OPHN1: variants seen among roughly 807,000 people sequenced by gnomAD.
OPHN1 encodes oligophrenin-1.
OPHN1 carries 11 observed loss-of-function variants against 60.7 expected under a neutral mutation model. The observed-to-expected ratio is 0.18, with a 90% confidence interval of 0.11 to 0.30. OPHN1 has a LOEUF of 0.30. Among genes scored for constraint, OPHN1 ranks in the 10% least tolerant of loss-of-function variants. OPHN1 has a pLI of 1.00. For missense variants in OPHN1, 449 were observed against 611.0 expected, an observed-to-expected ratio of 0.73 and a Z score of 2.80; for synonymous variants, 226 against 222.6, an observed-to-expected ratio of 1.02 and a Z score of -0.14.
At chrX:68,358,596 T>C (rs745481599) in intron 2 of OPHN1, among the ~76,000 whole-genome samples, 2 of 111,819 alleles carry the variant, frequency 1.8e-5, no homozygotes, top group East Asian at 5.6e-4. Flanking sequence ...TAGAACAACA[T>C]AGTAATTCCC....
At chrX:68,415,135 C>T (rs2078787767) in intron 2 of OPHN1, among the ~76,000 whole-genome samples, 1 of 111,342 alleles carries the variant, frequency 9.0e-6, no homozygotes. Context: ...CATGACCTCT[C>T]AAGACTCTTT....
At chrX:68,403,389 C>T (rs1192341542) in intron 2 of OPHN1, among the ~76,000 whole-genome samples, 3 of 111,897 alleles carry the variant, frequency 2.7e-5, no homozygotes, top group Non-Finnish European at 5.6e-5. Context: ...GGAGACACAA[C>T]TCCTGGCAGG....
intron 15 of OPHN1, among the ~76,000 whole-genome samples, chrX:68,192,267 G>A (rs1424476207): frequency 9.0e-6 from 1 of 110,961 alleles, no homozygotes; most frequent in Non-Finnish European, 1.9e-5. Flanking sequence ...GGGAGGCAAA[G>A]GCAAGAGGAT....
chrX:68,419,157 G>T (rs111526052), intron 2 of OPHN1, among the ~76,000 whole-genome samples: 1 of 110,061 alleles, frequency 9.1e-6, no homozygotes, highest in Non-Finnish European at 1.9e-5. Context: ...ACAGGTGCCT[G>T]CCACCATGCC....
In OPHN1 at chrX:68,268,313, C is replaced by T. The variant is rs186368703; in HGVS notation, c.384+6425G>A. ...AAAAGAGAATTTTAGACCAATATCC[C>T]TGATGAACGTAAATGCAAAAATCCT... On this transcript the variant is annotated intron_variant, in intron 5 of 24. Coordinates refer to ENST00000355520, the MANE Select transcript of OPHN1 (RefSeq NM_002547.3). Among the ~76,000 whole-genome samples, 15 of 111,767 alleles carry T rather than the reference C, an allele frequency of 1.3e-4. No individual in the cohort carries two copies. In the East Asian group the frequency reaches 3.9e-3, roughly 29 times the overall value.
chrX:68,396,983 G>A (rs1417237162), intron 2 of OPHN1, among the ~76,000 whole-genome samples: 1 of 110,674 alleles, frequency 9.0e-6, no homozygotes, highest in Non-Finnish European at 1.9e-5. Flanking sequence ...AACAGAAACT[G>A]CAATTACCTG....
intron 4 of OPHN1, among the ~76,000 whole-genome samples, chrX:68,278,189 T>G (rs891524074): frequency 1.8e-5 from 2 of 112,496 alleles, no homozygotes; most frequent in African/African-American, 3.2e-5. Flanking sequence ...TCTATGACAC[T>G]CATTGGTTAT....
intron 18 of OPHN1, among the ~76,000 whole-genome samples, chrX:68,102,369 A>T (rs1447075231): frequency 2.7e-5 from 3 of 112,261 alleles, no homozygotes; most frequent in Non-Finnish European, 5.6e-5. Context: ...GGACACAGCT[A>T]AAGCAGTATT....
chrX:68,063,915 G>C lies in OPHN1; in HGVS notation c.2097C>G (p.Thr699=). 1 of 1,190,625 alleles carries C rather than the reference G, an allele frequency of 8.4e-7. No individual in the cohort carries two copies. Among genetic ancestry groups the C allele is most frequent in the East Asian group, 3.0e-5 (1 of 33,336 alleles). The change falls in exon 21 of 25, where the codon ACC becomes ACG. Residue 699 remains threonine (T), a synonymous_variant. Transcript: ENST00000355520. ...TCTTTATGTGGAAAGAGGGGGTCTT[G>C]GTGGGCCCAGAGCCTGGCATGGGTC... ...TNGPMPGSGP[T]KTPSFHIKRP...
chrX:68,103,764 G>A (rs905304516), intron 18 of OPHN1, among the ~76,000 whole-genome samples: 8 of 111,339 alleles, frequency 7.2e-5, no homozygotes, highest in Non-Finnish European at 1.1e-4. Context: ...ATAGGCACAA[G>A]ACAAGGATGC....
chrX:68,117,397 T>C (rs2077131749), intron 16 of OPHN1, among the ~76,000 whole-genome samples: 2 of 112,220 alleles, frequency 1.8e-5, no homozygotes, highest in African/African-American at 3.2e-5. Context: ...TTAGAGTTTA[T>C]TACATTTGTA....
At chrX:68,361,484 A>T (rs1281481479) in intron 2 of OPHN1, among the ~76,000 whole-genome samples, 1 of 109,377 alleles carries the variant, frequency 9.1e-6, no homozygotes, top group Non-Finnish European at 1.9e-5. Flanking sequence ...CATCTGAAAA[A>T]AAAAATAAAA....
chrX:68,172,242 G>C (rs1212536457), intron 15 of OPHN1, among the ~76,000 whole-genome samples: 1 of 112,123 alleles, frequency 8.9e-6, no homozygotes, highest in African/African-American at 3.2e-5. Flanking sequence ...CTCATGAAGG[G>C]AAAGACAAGC....
At chrX:68,368,491 T>A (rs1392762201) in intron 2 of OPHN1, among the ~76,000 whole-genome samples, 1 of 110,358 alleles carries the variant, frequency 9.1e-6, no homozygotes. Context: ...CAGTGAACCA[T>A]AATCACACCA....
intron 15 of OPHN1, among the ~76,000 whole-genome samples, chrX:68,180,278 T>C (rs5919541): frequency 0.35 from 39,007 of 110,639 alleles, 5,676 homozygotes; most frequent in African/African-American, 0.53. Context: ...AAAAAATAAG[T>C]ATTCCTGGTG....
intron 2 of OPHN1, among the ~76,000 whole-genome samples, chrX:68,312,678 C>G (rs1373378473): frequency 9.1e-6 from 1 of 110,357 alleles, no homozygotes; most frequent in African/African-American, 3.3e-5. Context: ...GTCCCCAGAT[C>G]AATAAAATAG....
At chrX:68,295,829 A>G (rs754185804) in intron 3 of OPHN1, among the ~76,000 whole-genome samples, 1 of 112,232 alleles carries the variant, frequency 8.9e-6, no homozygotes, top group Non-Finnish European at 1.9e-5. Context: ...CTACAATGCT[A>G]CTGAGTGACC....
At chrX:68,189,729 C>T (rs760019649) in intron 15 of OPHN1, among the ~76,000 whole-genome samples, 9 of 111,683 alleles carry the variant, frequency 8.1e-5, no homozygotes, top group Non-Finnish European at 1.3e-4. Context: ...GACCAACCAA[C>T]CAACAGCGTG....
chrX:68,290,666 G>T (rs1295991829), intron 3 of OPHN1, among the ~76,000 whole-genome samples: 1 of 109,077 alleles, frequency 9.2e-6, no homozygotes, highest in East Asian at 2.9e-4. Flanking sequence ...CTTTCTGGCT[G>T]CTCAGGAGGC....
Sources: gnomAD v4.1 joint callset for allele counts (sites outside exome capture counted in the v4.1 genomes callset) on GRCh38, gnomAD v4.1.1 for gene constraint, MANE v1.5 for transcripts, NCBI Gene and HGNC (gene_info 2026-07-23, HGNC 2026-07-21) for gene names.